Variants in MAP3K3 observed in about 807,000 individuals in gnomAD.
MAP3K3 encodes mitogen-activated protein kinase kinase kinase 3, also known as MAP/ERK kinase kinase 3.
A neutral mutation model predicts 80.9 loss-of-function variants in MAP3K3; 12 were observed. The ratio of observed to expected loss-of-function variants is 0.15; its 90% CI spans 0.10 to 0.24. The LOEUF is 0.24. MAP3K3 is among the 10% of genes least tolerant of loss of function. MAP3K3 has a pLI of 1.00. For missense variants in MAP3K3, 596 were observed against 834.7 expected (o/e 0.71, Z 3.52); for synonymous variants, 272 against 307.1 (o/e 0.89, Z 1.19).
chr17:63,628,341 T>G (rs187226519), intron 1 of MAP3K3, among the ~76,000 whole-genome samples: 6 of 152,230 alleles, frequency 3.9e-5, no homozygotes, highest in African/African-American at 7.2e-5. Flanking sequence ...ATACTCTGGT[T>G]TATATATTGT....
chr17:63,637,945 AT>A (rs772050753), intron 2 of MAP3K3, among the ~76,000 whole-genome samples: 10 of 152,314 alleles, frequency 6.6e-5, no homozygotes, highest in Non-Finnish European at 1.5e-4. Context: ...CTTGGCTATC[AT>A]TTCTAGAGGA....
Position 63,692,617 on chromosome 17 carries a change from T to C in MAP3K3, c.1652+198T>C, listed in dbSNP as rs1042790830. The stretch of plus-strand genomic sequence containing the variant: ...TGCTCAAAGCACACTCCATTAGAGC[T>C]GGGAACTTAGGCCATGGAAAACATC... On this transcript the variant is annotated intron_variant, in intron 15 of 15. Transcript: ENST00000361733. This position sits in a 1 kb window ranked among gnomAD's most constrained non-coding sequence, Gnocchi z 4.5. Among the ~76,000 whole-genome samples the C allele has an allele frequency of 4.6e-5, 7 of 152,232 alleles. No individual in the cohort carries two copies. The highest frequency in any genetic ancestry group is 1.0e-4 in the Non-Finnish European group (7 of 68,046).
chr17:63,636,648 G>T (rs1035940894), intron 2 of MAP3K3: 1 of 237,306 alleles, frequency 4.2e-6, no homozygotes, highest in Non-Finnish European at 8.7e-6. Context: ...ACACAGCCAC[G>T]CAGATCCAGC....
chr17:63,636,827 C>A, intron 2 of MAP3K3: 1 of 346,316 alleles, frequency 2.9e-6, no homozygotes. Flanking sequence ...GAGAAGAAGG[C>A]CAAGAAGACT....
At chr17:63,682,742 G>A (rs569454532) in intron 7 of MAP3K3, 64 of 152,346 alleles carry the variant, frequency 4.2e-4, no homozygotes, top group African/African-American at 1.5e-3. Context: ...GCCAGCAGGA[G>A]AATCTTTTGC....
chr17:63,648,030 GAGA>G (rs1452713929), intron 3 of MAP3K3, among the ~76,000 whole-genome samples: 1 of 152,228 alleles, frequency 6.6e-6, no homozygotes, highest in Non-Finnish European at 1.5e-5. Flanking sequence ...GAGGGCTGGG[GAGA>G]AGGATTGTAG....
chr17:63,661,245 C>T (rs546546205), intron 5 of MAP3K3, among the ~76,000 whole-genome samples: 1 of 152,274 alleles, frequency 6.6e-6, no homozygotes, highest in East Asian at 1.9e-4. Flanking sequence ...TGGGGTTTCG[C>T]ACTGTTGGCG....
chr17:63,667,085 C>G, intron 6 of MAP3K3, 25 bp downstream of exon 6: 1 of 1,559,312 alleles, frequency 6.4e-7, no homozygotes, highest in Non-Finnish European at 8.6e-7. Context: ...CCTTTTTTCT[C>G]CCCCTCTATT....
intron 8 of MAP3K3, 144 bp downstream of exon 8, chr17:63,685,734 C>T (rs1270181928): frequency 1.2e-5 from 8 of 658,100 alleles, no homozygotes; most frequent in South Asian, 3.5e-5. Context: ...CCCAACACCA[C>T]GAGAATGTTA....
chr17:63,644,052 A>G (rs1165538495), intron 2 of MAP3K3, among the ~76,000 whole-genome samples: 2 of 152,134 alleles, frequency 1.3e-5, no homozygotes, highest in African/African-American at 4.8e-5. Flanking sequence ...TAAAATAGGG[A>G]TAATAATGGT....
chr17:63,624,400 C>A (rs1255848035), intron 1 of MAP3K3, among the ~76,000 whole-genome samples: 1 of 152,206 alleles, frequency 6.6e-6, no homozygotes, highest in African/African-American at 2.4e-5. Flanking sequence ...CCACTTCCTA[C>A]TTTGTTGACT....
intron 6 of MAP3K3, among the ~76,000 whole-genome samples, chr17:63,681,268 T>G (rs940929550): frequency 5.3e-5 from 8 of 152,002 alleles, no homozygotes; most frequent in Non-Finnish European, 1.0e-4. Flanking sequence ...AGACACTGGC[T>G]GGGGGAACAG....
At position 63,691,706 on chromosome 17, in the gene MAP3K3, A is replaced by ACTCCTCTGACTTCTTGTGGC. The variant is rs2035595026; in HGVS notation, c.1345-22_1345-3dup. 6.9e-6 allele frequency: 11 copies of ACTCCTCTGACTTCTTGTGGC among 1,605,506 alleles called. No homozygotes were observed. Among genetic ancestry groups the ACTCCTCTGACTTCTTGTGGC allele is most frequent in the African/African-American group, 1.3e-5 (1 of 74,670 alleles). On this transcript the variant is annotated intron_variant, in intron 13 of 15. Coordinates refer to ENST00000361733, the MANE Select transcript of MAP3K3 (RefSeq NM_002401.5). The surrounding 1 kb of genome is among the most constrained non-coding windows in gnomAD (Gnocchi z 4.8). ...CCTCCACCAGCCCTCCCCTGAGGGG[A>ACTCCTCTGACTTCTTGTGGC]CTCCTCTGACTTCTTGTGGCCTCCA...
At chr17:63,646,227 C>T (rs1209109710) in intron 3 of MAP3K3, among the ~76,000 whole-genome samples, 153 bp downstream of exon 3, 1 of 152,148 alleles carries the variant, frequency 6.6e-6, no homozygotes, top group African/African-American at 2.4e-5. Context: ...AAAGTTTCAC[C>T]CTTGTCTTGG....
chr17:63,664,582 A>G (rs1290700194), intron 5 of MAP3K3, among the ~76,000 whole-genome samples: 1 of 152,174 alleles, frequency 6.6e-6, no homozygotes, highest in Non-Finnish European at 1.5e-5. Flanking sequence ...CTGATCTCCT[A>G]TCTTCCAGTC....
At chr17:63,631,158 G>A (rs2034207987) in intron 1 of MAP3K3, among the ~76,000 whole-genome samples, 1 of 152,180 alleles carries the variant, frequency 6.6e-6, no homozygotes. Flanking sequence ...ATGGTGGTGT[G>A]CACCTGTAGT....
intron 5 of MAP3K3, among the ~76,000 whole-genome samples, chr17:63,665,937 G>T (rs188467520): frequency 2.2e-4 from 33 of 152,292 alleles, no homozygotes; most frequent in African/African-American, 7.9e-4. Flanking sequence ...GGGGGAGGTA[G>T]AGGAGATAGA....
intron 8 of MAP3K3, 108 bp downstream of exon 8, chr17:63,685,698 C>G: frequency 1.2e-6 from 1 of 850,084 alleles, no homozygotes; most frequent in South Asian, 1.4e-5. Context: ...CATCATGCTT[C>G]TAGGAAAAGC....
Position 63,692,310 on chromosome 17 carries a change from C to A in MAP3K3, c.1543C>A (p.Gln515Lys). The part of the protein sequence containing the change: ...LGDFGASKRL[Q>K]TICMSGTGMR... ...GGACTTTGGGGCCAGCAAACGCCTG[C>A]AGACGATCTGTATGTCGGGGACGGG... The change falls in exon 15 of 16, where the codon CAG (glutamine) becomes AAG (lysine). Residue 515 changes from glutamine (Q) to lysine (K), a missense_variant. Gln to Lys is a moderately conservative substitution (Grantham distance 53, BLOSUM62 1). Transcript: ENST00000361733. This position sits in a 1 kb window ranked among gnomAD's most constrained non-coding sequence, Gnocchi z 4.5. The A allele has an allele frequency of 6.2e-7, 1 of 1,613,984 alleles. No individual in the cohort carries two copies. The highest frequency in any genetic ancestry group is 8.5e-7 in the Non-Finnish European group (1 of 1,180,024).
Sources: gnomAD v4.1 joint callset for allele counts (sites outside exome capture counted in the v4.1 genomes callset) on GRCh38, gnomAD v4.1.1 for gene constraint, Gnocchi (gnomAD v3.1) non-coding constraint, MANE v1.5 for transcripts, NCBI Gene and HGNC (gene_info 2026-07-23, HGNC 2026-07-21) for gene names.